RNF138: variants seen among roughly 807,000 people sequenced by gnomAD.
The protein encoded by RNF138 is E3 ubiquitin-protein ligase RNF138.
RNF138 carries 12 observed loss-of-function variants against 31.0 expected under a neutral mutation model. The ratio of observed to expected loss-of-function variants is 0.39; its 90% confidence interval spans 0.25 to 0.63. RNF138 has a LOEUF of 0.63. Ranked by LOEUF, RNF138 falls within the 20% of genes least tolerant of loss-of-function variation. The probability of loss-of-function intolerance (pLI) is 0.52; values close to 1 mark genes in which losing one functional copy is unlikely to be tolerated. For synonymous variants in RNF138, 105 were observed against 99.5 expected (o/e 1.06, Z -0.33); for missense variants, 192 against 300.1 (o/e 0.64, Z 2.66).
intron 4 of RNF138, among the ~76,000 whole-genome samples, chr18:32,120,189 G>A (rs181616463): frequency 2.0e-5 from 3 of 152,116 alleles, no homozygotes; most frequent in Admixed American, 6.5e-5. Flanking sequence ...GTTTTTTAGC[G>A]TAGATCTTTT....
intron 4 of RNF138, among the ~76,000 whole-genome samples, chr18:32,117,741 A>G (rs1208719088): frequency 6.6e-6 from 1 of 152,216 alleles, no homozygotes; most frequent in East Asian, 1.9e-4. Flanking sequence ...AAATTAGTAA[A>G]TATTGGAGGA....
chr18:32,115,152 A>G (rs925318822), intron 4 of RNF138, among the ~76,000 whole-genome samples: 1 of 152,146 alleles, frequency 6.6e-6, no homozygotes, highest in South Asian at 2.1e-4. Flanking sequence ...CTTGTTGAGC[A>G]TATCTCCAGC....
Position 32,122,087 on chromosome 18 carries a change from T to TCGAA in RNF138, c.393-1429_393-1426dup, listed in dbSNP as rs1302259852. 3.9e-5 allele frequency among the ~76,000 whole-genome samples: 6 copies of TCGAA among 152,242 alleles called. No individual in the cohort carries two copies. In the East Asian group the frequency reaches 1.2e-3, roughly 29 times the overall value. ...TTTCACCATGTTGGCTAGGCTGATC[T>TCGAA]CGAACTCCTGACCTTGTGATCCACC... On this transcript the variant is annotated intron_variant, in intron 4 of 7. Coordinates refer to ENST00000261593, the MANE Select transcript of RNF138 (RefSeq NM_016271.5).
At position 32,092,718 on chromosome 18, in the gene RNF138, G is replaced by A. The variant is rs548647175; in HGVS notation, c.-59G>A. The A allele has an allele frequency of 6.1e-5, 68 of 1,118,090 alleles. No homozygotes were observed. The highest frequency in any genetic ancestry group is 8.2e-5 in the Non-Finnish European group (63 of 767,496). 69.3% of individuals were successfully genotyped at this position (1,118,090 alleles called of 1,614,324 possible). ...CATGTAGGGAGTCGGGCCCCGGGCC[G>A]CCACCGTCACCTCGGCCGCTGCCGC... is the stretch of plus-strand genomic sequence containing the variant. On this transcript the variant is annotated 5_prime_UTR_variant, in exon 2 of 8. Coordinates refer to ENST00000261593, the MANE Select transcript of RNF138 (RefSeq NM_016271.5).
intron 4 of RNF138, among the ~76,000 whole-genome samples, chr18:32,118,515 CAG>C (rs984250783): frequency 6.9e-6 from 1 of 145,744 alleles, no homozygotes; most frequent in African/African-American, 2.6e-5. Context: ...GCCTGGGAGA[CAG>C]AGCAAGACTC....
intron 7 of RNF138, 78 bp from the exon 8 acceptor site, chr18:32,129,041 A>G (rs1202396854): frequency 1.1e-6 from 1 of 892,002 alleles, no homozygotes. Context: ...ATGTGTATCA[A>G]GATGTCTAAT....
chr18:32,095,013 A>G (rs892294225), intron 2 of RNF138, among the ~76,000 whole-genome samples: 5 of 152,190 alleles, frequency 3.3e-5, no homozygotes, highest in Admixed American at 2.6e-4. Context: ...ACCTTTCTCA[A>G]ATCAACTTAT....
intron 2 of RNF138, among the ~76,000 whole-genome samples, chr18:32,105,251 A>T (rs1289347492): frequency 1.3e-5 from 2 of 151,888 alleles, no homozygotes; most frequent in Admixed American, 1.3e-4. Context: ...GCCACCATAC[A>T]TGGCTAATTT....
At chr18:32,128,894 TGTTA>T (rs952368958) in intron 7 of RNF138, among the ~76,000 whole-genome samples, 5 of 151,062 alleles carry the variant, frequency 3.3e-5, no homozygotes, top group East Asian at 1.9e-4. Flanking sequence ...TCTGTTTGTT[TGTTA>T]TTCTTGAACA....
chr18:32,120,698 T>C (rs539971773), intron 4 of RNF138, among the ~76,000 whole-genome samples: 36 of 152,006 alleles, frequency 2.4e-4, no homozygotes, highest in Non-Finnish European at 3.4e-4. Flanking sequence ...TAGTGGAAAA[T>C]TGAGAGTTAT....
chr18:32,102,740 C>A (rs537642736), intron 2 of RNF138, among the ~76,000 whole-genome samples: 1 of 151,634 alleles, frequency 6.6e-6, no homozygotes, highest in East Asian at 1.9e-4. Flanking sequence ...TCAAGTGATT[C>A]TCCTGCCTCA....
At chr18:32,104,669 A>G (rs1231153116) in intron 2 of RNF138, among the ~76,000 whole-genome samples, 1 of 152,240 alleles carries the variant, frequency 6.6e-6, no homozygotes, top group Non-Finnish European at 1.5e-5. Context: ...GTCACTTACA[A>G]TAGCAACAAA....
chr18:32,121,143 CA>C (rs2040298698), intron 4 of RNF138, among the ~76,000 whole-genome samples: 1 of 55,086 alleles, frequency 1.8e-5, no homozygotes. Flanking sequence ...CAAAAAAAAA[CA>C]AAACAAAAAA....
rs978372231 is a variant in RNF138, at chr18:32,100,528, T to C, written c.110+7642T>C. 3.0e-5 allele frequency among the ~76,000 whole-genome samples: 4 copies of C among 134,302 alleles called. No homozygotes were observed. In the Admixed American group the frequency reaches 3.8e-4, roughly 13 times the overall value. The allele number at this position is 134,302 out of a possible 152,430, so 88.1% of individuals were successfully genotyped here. A position where few individuals can be genotyped will look rare whatever the true frequency, so the allele number is the denominator to read the frequency against. ...TTTGCTCTTGTTGGCCAGGCTGGAG[T>C]GCAATGGCGCGATCTCGGCTCACTG... On this transcript the variant is annotated intron_variant, in intron 2 of 7. Transcript: ENST00000261593.
intron 2 of RNF138, among the ~76,000 whole-genome samples, chr18:32,098,030 GGCTGGATT>G (rs1317819408): frequency 6.6e-6 from 1 of 151,656 alleles, no homozygotes; most frequent in African/African-American, 2.4e-5. Context: ...GTGTTGCCCA[GGCTGGATT>G]GCAGTGGTGC....
At position 32,124,748 on chromosome 18, in the gene RNF138, C is replaced by G; in HGVS notation, c.464C>G (p.Pro155Arg). The part of the protein sequence containing the change: ...YQENTSSSGH[P>R]TFKCPLCQES... ...TTGTTTTATAGTTCTTCTGGTCATC[C>G]TACTTTTAAGTGTCCCCTGTGTCAA... Residue 155 changes from proline (P) to arginine (R), a missense_variant, in exon 6 of 8, where the codon CCT becomes CGT. This residue lies in a region of RNF138 where 140 missense variants were observed against 251.7 expected (regional missense o/e 0.56). Transcript: ENST00000261593. 6.4e-7 allele frequency: 1 copy of G among 1,565,878 alleles called. No homozygotes were observed.
chr18:32,106,945 C>G (rs2144586313), intron 2 of RNF138, among the ~76,000 whole-genome samples: 1 of 152,138 alleles, frequency 6.6e-6, no homozygotes, highest in East Asian at 1.9e-4. Flanking sequence ...CTTCACTTGT[C>G]TCTATTCTGC....
chr18:32,116,962 T>C (rs1489179589), intron 4 of RNF138, among the ~76,000 whole-genome samples: 1 of 152,144 alleles, frequency 6.6e-6, no homozygotes, highest in Non-Finnish European at 1.5e-5. Context: ...AGTGCAGTGG[T>C]GCGATCTCAG....
At chr18:32,122,231 T>G (rs1038789062) in intron 4 of RNF138, among the ~76,000 whole-genome samples, 1 of 152,166 alleles carries the variant, frequency 6.6e-6, no homozygotes, top group Non-Finnish European at 1.5e-5. Context: ...GAGATAACAT[T>G]GTTATCTTCA....
Sources: gnomAD v4.1 joint callset for allele counts (sites outside exome capture counted in the v4.1 genomes callset) on GRCh38, gnomAD v4.1.1 for gene constraint, gnomAD v4.1.1 regional missense constraint, MANE v1.5 for transcripts, NCBI Gene and HGNC (gene_info 2026-07-23, HGNC 2026-07-21) for gene names.